ZNF609: variants seen among roughly 807,000 people sequenced by gnomAD.
ZNF609 encodes zinc finger protein 609.
ZNF609 carries 11 observed loss-of-function variants against 109.5 expected under a neutral mutation model. The ratio of observed to expected loss-of-function variants is 0.10; its 90% CI spans 0.06 to 0.17. The LOEUF is 0.17. Ranked by LOEUF, ZNF609 falls within the 10% of genes least tolerant of loss-of-function variation. The pLI is 1.00. For missense variants in ZNF609, 1,559 were observed against 1,772.4 expected (o/e 0.88, Z 2.16); for synonymous variants, 646 against 662.0 (o/e 0.98, Z 0.37).
intron 2 of ZNF609, among the ~76,000 whole-genome samples, chr15:64,534,287 A>G (rs571878500): frequency 6.6e-6 from 1 of 151,688 alleles, no homozygotes; most frequent in South Asian, 2.1e-4. Flanking sequence ...GTGGTATTAC[A>G]GGCGTGAGCC....
At chr15:64,655,145 GA>G (rs1187409862) in intron 3 of ZNF609, among the ~76,000 whole-genome samples, 59 of 133,818 alleles carry the variant, frequency 4.4e-4, no homozygotes, top group South Asian at 9.4e-4. Flanking sequence ...AAACAGAATA[GA>G]AAAAAAAAAA....
At chr15:64,537,769 G>GC (rs967296188) in intron 2 of ZNF609, among the ~76,000 whole-genome samples, 1 of 152,062 alleles carries the variant, frequency 6.6e-6, no homozygotes, top group Non-Finnish European at 1.5e-5. Context: ...TGATTGTTTT[G>GC]CCCCCTTAGG....
chr15:64,669,113 T>TA (rs1174696237), intron 3 of ZNF609, among the ~76,000 whole-genome samples: 1 of 152,070 alleles, frequency 6.6e-6, no homozygotes, highest in African/African-American at 2.4e-5. Context: ...TAAATGGGTA[T>TA]ATGAATGAGT....
chr15:64,521,710 C>G (rs1182879229), intron 2 of ZNF609, among the ~76,000 whole-genome samples: 2 of 152,072 alleles, frequency 1.3e-5, no homozygotes, highest in African/African-American at 4.8e-5. Context: ...CCCATCATTG[C>G]CAGTGTGGTT....
At chr15:64,671,941 C>T (rs1032715718) in intron 4 of ZNF609, among the ~76,000 whole-genome samples, 23 of 151,412 alleles carry the variant, frequency 1.5e-4, no homozygotes, top group African/African-American at 5.3e-4. Context: ...TGATTATTCT[C>T]TACCGAGGGC....
intron 2 of ZNF609, among the ~76,000 whole-genome samples, chr15:64,609,129 T>TTTCG (rs1895671065): frequency 3.7e-5 from 3 of 80,600 alleles, no homozygotes; most frequent in African/African-American, 1.3e-4. Context: ...TCTTTCTTTC[T>TTTCG]TTTTTTCTTT....
At chr15:64,504,594 C>G (rs1000591702) in intron 2 of ZNF609, among the ~76,000 whole-genome samples, 1 of 151,704 alleles carries the variant, frequency 6.6e-6, no homozygotes, top group Non-Finnish European at 1.5e-5. Flanking sequence ...CTTAGCTCCC[C>G]GAGTAGCTGG....
At chr15:64,581,118 T>A (rs1312971081) in intron 2 of ZNF609, among the ~76,000 whole-genome samples, 1 of 152,062 alleles carries the variant, frequency 6.6e-6, no homozygotes, top group Non-Finnish European at 1.5e-5. Flanking sequence ...CTTGAACTCC[T>A]GGCCTCAAGC....
chr15:64,499,381 G>A lies in ZNF609; in HGVS notation c.-39G>A. The A allele has an allele frequency of 1.3e-6, 2 of 1,592,972 alleles. No homozygotes were observed. Among genetic ancestry groups the A allele is most frequent in the African/African-American group, 1.3e-5 (1 of 74,340 alleles). Reference sequence around the variant, plus strand: ...TGAAAATAGGAAAGCTGGGGGCAAGGAAGAGCCTTGAATCTTGAGGTGGGA... The same window carrying A: ...TGAAAATAGGAAAGCTGGGGGCAAGAAAGAGCCTTGAATCTTGAGGTGGGA... On this transcript the variant is annotated 5_prime_UTR_variant, in exon 2 of 10. Transcript: ENST00000326648.
At chr15:64,486,628 T>C (rs1189924521) in intron 1 of ZNF609, among the ~76,000 whole-genome samples, 1 of 152,184 alleles carries the variant, frequency 6.6e-6, no homozygotes, top group East Asian at 1.9e-4. Context: ...GGCAGCTTTT[T>C]TTTTCAAGAC....
intron 2 of ZNF609, among the ~76,000 whole-genome samples, chr15:64,617,789 AAC>A (rs1895822071): frequency 6.6e-6 from 1 of 152,190 alleles, no homozygotes; most frequent in African/African-American, 2.4e-5. Flanking sequence ...TCAAAAAACA[AAC>A]AAACAAACAA....
intron 1 of ZNF609, among the ~76,000 whole-genome samples, chr15:64,496,819 CT>C (rs574329418): frequency 1.8e-3 from 264 of 145,646 alleles, no homozygotes; most frequent in Middle Eastern, 3.5e-3. Context: ...TTTTTTCTTT[CT>C]TTTTTTTTTT....
chr15:64,601,383 C>T (rs1472617628), intron 2 of ZNF609, among the ~76,000 whole-genome samples: 1 of 152,120 alleles, frequency 6.6e-6, no homozygotes, highest in Non-Finnish European at 1.5e-5. Flanking sequence ...TGATGACACA[C>T]TCATGTGGAA....
At position 64,576,986 on chromosome 15, in the gene ZNF609, G is replaced by GTATA. The variant is rs1254185318; in HGVS notation, c.748-45840_748-45837dup. ...TATACACATAAATATATATATGTAT[G>GTATA]TATACACATAAATATATATATGTAT... is the stretch of plus-strand genomic sequence containing the variant. On this transcript the variant is annotated intron_variant, in intron 2 of 9. Coordinates refer to ENST00000326648, the MANE Select transcript of ZNF609 (RefSeq NM_015042.2). Among the ~76,000 whole-genome samples, 727 of 108,126 alleles carry GTATA rather than the reference G, an allele frequency of 6.7e-3. 8 individuals carry two copies. The highest frequency in any genetic ancestry group is 0.013 in the African/African-American group (378 of 28,458). The allele number at this position is 108,126 out of a possible 152,430, so 70.9% of individuals were successfully genotyped here.
chr15:64,655,523 T>C (rs1277017446), intron 3 of ZNF609, among the ~76,000 whole-genome samples: 1 of 151,804 alleles, frequency 6.6e-6, no homozygotes, highest in Non-Finnish European at 1.5e-5. Context: ...ATATATAATA[T>C]ACATTTATAA....
intron 2 of ZNF609, among the ~76,000 whole-genome samples, chr15:64,517,849 GGCCCACTATAACCTCT>G (rs1567003125): frequency 2.0e-5 from 3 of 151,832 alleles, no homozygotes; most frequent in Admixed American, 2.0e-4. Flanking sequence ...GCACAATCTT[GGCCCACTATAACCTCT>G]GCCTCCTGGG....
intron 1 of ZNF609, among the ~76,000 whole-genome samples, chr15:64,481,319 C>CTTTTTTTT (rs889184379): frequency 1.2e-4 from 15 of 127,266 alleles, no homozygotes; most frequent in African/African-American, 3.3e-4. Context: ...TTTCTTTTTT[C>CTTTTTTTT]TTTTTTTTTT....
chr15:64,519,368 T>C (rs1595705830), intron 2 of ZNF609, among the ~76,000 whole-genome samples: 1 of 152,078 alleles, frequency 6.6e-6, no homozygotes, highest in African/African-American at 2.4e-5. Flanking sequence ...AGGAAGAATG[T>C]GTCTGTATTG....
intron 2 of ZNF609, among the ~76,000 whole-genome samples, chr15:64,559,153 CAT>C (rs1016115716): frequency 1.4e-4 from 22 of 152,300 alleles, no homozygotes; most frequent in Non-Finnish European, 2.1e-4. Context: ...TGTGTGGCCT[CAT>C]AAATGTAAAT....
Sources: allele counts gnomAD v4.1 joint callset (sites outside exome capture counted in the v4.1 genomes callset), GRCh38; gene constraint gnomAD v4.1.1; transcripts MANE v1.5; gene names NCBI Gene and HGNC (gene_info 2026-07-23, HGNC 2026-07-21).